Variants in TNKS observed in about 807,000 individuals in gnomAD.
The protein encoded by TNKS is tankyrase.
A neutral mutation model predicts 135.8 loss-of-function variants in TNKS; 72 were observed. The observed-to-expected ratio is 0.53, with a 90% CI of 0.44 to 0.64. The LOEUF is 0.64. Ranked by LOEUF, TNKS falls within the 30% of genes least tolerant of loss-of-function variation. The pLI, the probability that TNKS is intolerant of heterozygous loss-of-function variation, is 0.00. For missense variants in TNKS, 1,769 were observed against 1,674.0 expected (o/e 1.06, Z -0.99); for synonymous variants, 849 against 649.3 (o/e 1.31, Z -4.68).
rs776950591 is a variant in TNKS, at chr8:9,764,760, C to T, written c.3417C>T (p.Gly1139=). ...IREHRDGGNA[G]GIFNRYNVIR... The stretch of plus-strand genomic sequence containing the variant: ...AACACAGAGATGGTGGTAATGCTGG[C>T]GGCATCTTCAACAGATACAATGTCA... Residue 1139 remains glycine (G), a synonymous_variant, in exon 23 of 27, where the codon GGC becomes GGT. Coordinates refer to ENST00000310430, the MANE Select transcript of TNKS (RefSeq NM_003747.3). 2.3e-5 allele frequency: 37 copies of T among 1,597,354 alleles called. No homozygotes were observed. Among genetic ancestry groups the T allele is most frequent in the South Asian group, 1.0e-4 (9 of 87,396 alleles).
chr8:9,752,585 C>G lies in TNKS; in HGVS notation c.3112C>G (p.Leu1038Val). 6.2e-7 allele frequency: 1 copy of G among 1,613,294 alleles called. No individual in the cohort carries two copies. Among genetic ancestry groups the G allele is most frequent in the Non-Finnish European group, 8.5e-7 (1 of 1,179,586 alleles). ...GAATATCAGCCAATTTCTAAAAAGC[C>G]TTGGCCTTGAACACCTTCGGGATAT... ...DMNISQFLKS[L>V]GLEHLRDIFE... The change falls in exon 20 of 27, where the codon CTT becomes GTT. Residue 1038 changes from leucine (L) to valine (V), a missense_variant. Leu to Val is a conservative substitution (Grantham distance 32). Around this residue, in one of 5 missense-constraint regions of TNKS, gnomAD observed 722 missense variants for 688.9 expected, o/e 1.05. Coordinates refer to ENST00000310430, the MANE Select transcript of TNKS (RefSeq NM_003747.3).
At chr8:9,627,650 T>C (rs1415048225) in intron 3 of TNKS, among the ~76,000 whole-genome samples, 1 of 152,178 alleles carries the variant, frequency 6.6e-6, no homozygotes, top group Non-Finnish European at 1.5e-5. Context: ...TTGATTGTGG[T>C]GGTGCCAGAG....
chr8:9,750,868 C>G (rs897528513), intron 18 of TNKS, among the ~76,000 whole-genome samples: 1 of 152,216 alleles, frequency 6.6e-6, no homozygotes, highest in Non-Finnish European at 1.5e-5. Context: ...GCCTTTCATC[C>G]CGCAGGGCTC....
chr8:9,746,655 G>A (rs565501182), intron 17 of TNKS, among the ~76,000 whole-genome samples: 16 of 151,870 alleles, frequency 1.1e-4, no homozygotes, highest in Admixed American at 2.0e-4. Flanking sequence ...ATTCCATTTC[G>A]TAATCTCCCT....
chr8:9,665,101 G>C (rs1176404160), intron 3 of TNKS, among the ~76,000 whole-genome samples: 1 of 152,118 alleles, frequency 6.6e-6, no homozygotes, highest in Non-Finnish European at 1.5e-5. Context: ...ATCACTTCAA[G>C]CTTTTGTACT....
chr8:9,756,216 C>T (rs1043385224), intron 20 of TNKS, among the ~76,000 whole-genome samples: 1 of 152,160 alleles, frequency 6.6e-6, no homozygotes, highest in East Asian at 1.9e-4. Context: ...AGCATGGCCT[C>T]CCATAATTCA....
intron 26 of TNKS, among the ~76,000 whole-genome samples, chr8:9,771,540 TGA>T (rs762378271): frequency 1.1e-5 from 1 of 93,484 alleles, no homozygotes; most frequent in African/African-American, 4.4e-5. Context: ...GGAGAAAGAC[TGA>T]GAGAGGAAGC....
At chr8:9,576,476 T>G (rs113621147) in intron 1 of TNKS, among the ~76,000 whole-genome samples, 2 of 148,022 alleles carry the variant, frequency 1.4e-5, no homozygotes, top group Non-Finnish European at 3.0e-5. Flanking sequence ...CTTTTTTTTT[T>G]TTTTTTTTTT....
intron 3 of TNKS, among the ~76,000 whole-genome samples, chr8:9,663,759 A>G (rs559298125): frequency 1.3e-5 from 2 of 152,312 alleles, no homozygotes; most frequent in South Asian, 2.1e-4. Flanking sequence ...AGGAATTACA[A>G]AGGCTGCAGA....
intron 3 of TNKS, among the ~76,000 whole-genome samples, chr8:9,616,869 C>T (rs1799663799): frequency 6.6e-6 from 1 of 152,082 alleles, no homozygotes; most frequent in Non-Finnish European, 1.5e-5. Flanking sequence ...AATACATAGC[C>T]TCGGGCCTGC....
In TNKS at chr8:9,781,559, G is replaced by A. The variant is rs1808457624; in HGVS notation, c.*4823G>A. The A allele has an allele frequency of 6.6e-6, 1 of 152,374 alleles. No individual in the cohort carries two copies. The highest frequency in any genetic ancestry group is 6.5e-5 in the Admixed American group (1 of 15,276). 9.4% of individuals were successfully genotyped at this position (152,374 alleles called of 1,614,324 possible). A position where few individuals can be genotyped will look rare whatever the true frequency, so the allele number is the denominator to read the frequency against. On this transcript the variant is annotated 3_prime_UTR_variant, in exon 27 of 27. Transcript: ENST00000310430. The stretch of plus-strand genomic sequence containing the variant: ...GACACAAAACACTGAAACTCTTCAT[G>A]TGCATATAACACCTGCTTCTGCTCC...
chr8:9,573,098 GATA>G (rs1256417058), intron 1 of TNKS, among the ~76,000 whole-genome samples: 2 of 151,920 alleles, frequency 1.3e-5, no homozygotes, highest in South Asian at 2.1e-4. Flanking sequence ...TGTTTCTAAA[GATA>G]ATGATGAACA....
intron 5 of TNKS, among the ~76,000 whole-genome samples, chr8:9,697,903 T>G (rs1277005504): frequency 6.6e-6 from 1 of 152,170 alleles, no homozygotes; most frequent in Non-Finnish European, 1.5e-5. Flanking sequence ...TTACTAGATC[T>G]ATACACAAAG....
chr8:9,631,878 T>C (rs1800304849), intron 3 of TNKS, among the ~76,000 whole-genome samples: 1 of 152,186 alleles, frequency 6.6e-6, no homozygotes, highest in Non-Finnish European at 1.5e-5. Flanking sequence ...ATACATGCTT[T>C]AATGGTTTAC....
At chr8:9,570,584 T>A (rs1021715161) in intron 1 of TNKS, among the ~76,000 whole-genome samples, 4 of 152,196 alleles carry the variant, frequency 2.6e-5, no homozygotes, top group Non-Finnish European at 5.9e-5. Flanking sequence ...CCCAGCAACC[T>A]CTACCTGGCA....
At chr8:9,725,929 T>G (rs1325415060) in intron 12 of TNKS, among the ~76,000 whole-genome samples, 5 of 152,246 alleles carry the variant, frequency 3.3e-5, no homozygotes, top group Non-Finnish European at 7.3e-5. Context: ...ATATTCTGTT[T>G]CGCATTGCTA....
chr8:9,628,479 G>A (rs1361834174), intron 3 of TNKS, among the ~76,000 whole-genome samples: 1 of 151,246 alleles, frequency 6.6e-6, no homozygotes, highest in Admixed American at 6.6e-5. Context: ...TTTTTTAAAT[G>A]GTCTTCTAAT....
intron 3 of TNKS, among the ~76,000 whole-genome samples, chr8:9,619,975 G>T (rs1317026344): frequency 6.6e-6 from 1 of 150,620 alleles, no homozygotes; most frequent in Non-Finnish European, 1.5e-5. Flanking sequence ...TTTTGCGACG[G>T]AGTCTCACTC....
intron 2 of TNKS, among the ~76,000 whole-genome samples, chr8:9,612,130 A>G (rs1442968096): frequency 1.3e-5 from 2 of 152,162 alleles, no homozygotes; most frequent in Non-Finnish European, 2.9e-5. Flanking sequence ...AGTCATGAGA[A>G]CTGAGGCCCA....
Sources: gnomAD v4.1 joint callset for allele counts (sites outside exome capture counted in the v4.1 genomes callset) on GRCh38, gnomAD v4.1.1 for gene constraint, gnomAD v4.1.1 regional missense constraint, MANE v1.5 for transcripts, NCBI Gene and HGNC (gene_info 2026-07-23, HGNC 2026-07-21) for gene names.